Variants in SHANK2 observed in about 807,000 individuals in gnomAD.
SHANK2 encodes the protein SH3 and multiple ankyrin repeat domains protein 2.
A neutral mutation model predicts 133.7 loss-of-function variants in SHANK2; 43 were observed. The ratio of observed to expected loss-of-function variants is 0.32; its 90% CI spans 0.25 to 0.41. The LOEUF (loss-of-function observed/expected upper bound fraction) is 0.41, where lower values mean the gene tolerates loss of function less well. SHANK2 is among the 10% of genes least tolerant of loss of function. The pLI is 1.00. For synonymous variants in SHANK2, 1,017 were observed against 952.8 expected (o/e 1.07, Z -1.24); for missense variants, 1,994 against 2,235.8 (o/e 0.89, Z 2.18).
intron 17 of SHANK2, among the ~76,000 whole-genome samples, chr11:70,653,500 T>A (rs575735537): frequency 8.4e-5 from 12 of 142,232 alleles, no homozygotes; most frequent in East Asian, 8.3e-4. Flanking sequence ...TGGAGTGCAG[T>A]GGTGCGATCT....
rs115503784 is a variant in SHANK2, at chr11:70,624,064, G to C, written c.2061+35764C>G. 4.1e-3 allele frequency among the ~76,000 whole-genome samples: 617 copies of C among 152,248 alleles called. 4 individuals are homozygous for C. Among genetic ancestry groups the C allele is most frequent in the African/African-American group, 0.014 (589 of 41,538 alleles). On this transcript the variant is annotated intron_variant, in intron 17 of 25. Transcript: ENST00000601538. The stretch of plus-strand genomic sequence containing the variant: ...CTTCGTCCCTGTGCAGGGAGGGGCA[G>C]CCTTGGGTGTGGACTTCTGGGAGCA...
intron 24 of SHANK2, among the ~76,000 whole-genome samples, chr11:70,488,602 CT>C (rs2058845066): frequency 6.6e-6 from 1 of 152,196 alleles, no homozygotes; most frequent in African/African-American, 2.4e-5. Context: ...GCCCAGGTTC[CT>C]TTAAAGTCCT....
intron 2 of SHANK2, among the ~76,000 whole-genome samples, chr11:71,220,461 G>C (rs782435636): frequency 6.6e-6 from 1 of 152,158 alleles, no homozygotes; most frequent in Non-Finnish European, 1.5e-5. Flanking sequence ...TGGATATCTT[G>C]AGGAGATATA....
intron 17 of SHANK2, among the ~76,000 whole-genome samples, chr11:70,641,887 C>T (rs1015064642): frequency 1.3e-5 from 2 of 152,258 alleles, no homozygotes; most frequent in Non-Finnish European, 2.9e-5. Flanking sequence ...AGGCAAGCCC[C>T]TGCCCCAGCT....
intron 17 of SHANK2, among the ~76,000 whole-genome samples, chr11:70,618,642 G>A (rs1035490121): frequency 6.6e-6 from 1 of 152,178 alleles, no homozygotes; most frequent in African/African-American, 2.4e-5. Context: ...TTGTGAATAC[G>A]GTAATCCAGC....
chr11:70,695,043 G>A (rs1945363619), intron 15 of SHANK2, among the ~76,000 whole-genome samples: 1 of 152,178 alleles, frequency 6.6e-6, no homozygotes, highest in African/African-American at 2.4e-5. Context: ...AGTCAGGGAT[G>A]AACAACGATA....
At chr11:71,248,425 A>C (rs1954991329) in intron 1 of SHANK2, among the ~76,000 whole-genome samples, 1 of 152,160 alleles carries the variant, frequency 6.6e-6, no homozygotes, top group Admixed American at 6.5e-5. Context: ...GCGTGCATTT[A>C]ACCACCGGGC....
At chr11:71,083,549 C>T (rs901950581) in intron 8 of SHANK2, among the ~76,000 whole-genome samples, 1 of 152,084 alleles carries the variant, frequency 6.6e-6, no homozygotes, top group Non-Finnish European at 1.5e-5. Context: ...TGCATAACAC[C>T]CAGGCCAGAA....
At chr11:70,651,499 G>A (rs1487967676) in intron 17 of SHANK2, among the ~76,000 whole-genome samples, 1 of 152,296 alleles carries the variant, frequency 6.6e-6, no homozygotes, top group East Asian at 1.9e-4. Flanking sequence ...GCCTCTGTCT[G>A]GGAGAAGAAA....
At chr11:71,110,701 G>A (rs1951879521) in intron 5 of SHANK2, among the ~76,000 whole-genome samples, 1 of 152,226 alleles carries the variant, frequency 6.6e-6, no homozygotes. Context: ...GGCTCCTGGA[G>A]CTGAGGCTTT....
intron 10 of SHANK2, among the ~76,000 whole-genome samples, chr11:70,914,663 A>ATAAATAAAT (rs1950242773): frequency 7.2e-6 from 1 of 139,478 alleles, no homozygotes; most frequent in East Asian, 2.1e-4. Context: ...CCTCTACAAA[A>ATAAATAAAT]AAAATAAATA....
At chr11:71,185,490 G>T (rs150574211) in intron 2 of SHANK2, among the ~76,000 whole-genome samples, 1 of 152,186 alleles carries the variant, frequency 6.6e-6, no homozygotes, top group Non-Finnish European at 1.5e-5. Context: ...AAAACTCAAG[G>T]TTCCACCCTG....
At chr11:70,679,422 C>G (rs1944979187) in intron 15 of SHANK2, among the ~76,000 whole-genome samples, 1 of 152,220 alleles carries the variant, frequency 6.6e-6, no homozygotes, top group Non-Finnish European at 1.5e-5. Context: ...CCCGGACCAT[C>G]AGGGAGGTGG....
At chr11:70,818,541 C>T (rs1948451820) in intron 12 of SHANK2, among the ~76,000 whole-genome samples, 1 of 152,204 alleles carries the variant, frequency 6.6e-6, no homozygotes, top group Non-Finnish European at 1.5e-5. Context: ...CTTTTTAAAA[C>T]TGTAGTCAGA....
intron 11 of SHANK2, among the ~76,000 whole-genome samples, chr11:70,845,198 C>CAAAAAAAAAAAAAAAAAAAAAAA (rs782471301): frequency 3.9e-5 from 2 of 51,690 alleles, no homozygotes; most frequent in African/African-American, 7.2e-5. Context: ...GACTCTGTCT[C>CAAAAAAAAAAAAAAAAAAAAAAA]AAAAAAAAAA....
chr11:70,927,032 T>C (rs575854950), intron 10 of SHANK2, among the ~76,000 whole-genome samples: 1 of 152,096 alleles, frequency 6.6e-6, no homozygotes, highest in African/African-American at 2.4e-5. Context: ...GTGATCAGAA[T>C]CTCTGCCGCA....
chr11:70,606,546 T>C (rs1157204996), intron 17 of SHANK2, among the ~76,000 whole-genome samples: 3 of 145,726 alleles, frequency 2.1e-5, no homozygotes, highest in Admixed American at 6.8e-5. Context: ...AGGCCCTAGC[T>C]TGTATCCTCA....
intron 25 of SHANK2, among the ~76,000 whole-genome samples, chr11:70,482,224 G>C (rs906209863): frequency 1.3e-5 from 2 of 152,248 alleles, no homozygotes; most frequent in African/African-American, 4.8e-5. Context: ...CCGGGAGCAA[G>C]AAGGGAACAG....
intron 10 of SHANK2, among the ~76,000 whole-genome samples, chr11:70,914,965 A>C (rs1413219457): frequency 6.6e-6 from 1 of 152,016 alleles, no homozygotes; most frequent in African/African-American, 2.4e-5. Context: ...ATTTAACTGG[A>C]AACAGCAGGA....
Sources: allele counts gnomAD v4.1 joint callset (sites outside exome capture counted in the v4.1 genomes callset), GRCh38; gene constraint gnomAD v4.1.1; transcripts MANE v1.5; gene names NCBI Gene and HGNC (gene_info 2026-07-23, HGNC 2026-07-21).